Variants in ZFHX3 observed in about 807,000 individuals in gnomAD.
ZFHX3 encodes zinc finger homeobox protein 3.
ZFHX3 carries 42 observed loss-of-function variants against 279.1 expected under a neutral mutation model. The observed-to-expected ratio is 0.15, with a 90% CI of 0.12 to 0.19. The LOEUF is 0.19. Among genes scored for constraint, ZFHX3 ranks in the 10% least tolerant of loss-of-function variants. The pLI, the probability that ZFHX3 is intolerant of heterozygous loss-of-function variation, is 1.00. For synonymous variants in ZFHX3, 2,293 were observed against 1,957.8 expected (o/e 1.17, Z -4.52); for missense variants, 4,981 against 4,754.0 (o/e 1.05, Z -1.40).
intron 1 of ZFHX3, among the ~76,000 whole-genome samples, chr16:73,844,413 G>A (rs1961391178): frequency 6.6e-6 from 1 of 152,072 alleles, no homozygotes; most frequent in Non-Finnish European, 1.5e-5. Context: ...GAAAAGGAAG[G>A]AGACAAGGAG....
intron 4 of ZFHX3, among the ~76,000 whole-genome samples, chr16:73,263,652 C>A (rs981462473): frequency 6.6e-6 from 1 of 152,186 alleles, no homozygotes; most frequent in African/African-American, 2.4e-5. Flanking sequence ...CACAGACCAT[C>A]GTCCTTCTGC....
chr16:73,189,616 A>G (rs1301557694), intron 5 of ZFHX3, among the ~76,000 whole-genome samples: 3 of 152,192 alleles, frequency 2.0e-5, no homozygotes, highest in African/African-American at 7.2e-5. Context: ...TTTTGCAGCC[A>G]TGTTCCTTGA....
chr16:73,144,725 C>T (rs1327408681), intron 5 of ZFHX3, among the ~76,000 whole-genome samples: 5 of 152,290 alleles, frequency 3.3e-5, no homozygotes, highest in South Asian at 2.1e-4. Flanking sequence ...TTTCCTCTCT[C>T]CTACCCGCCC....
chr16:73,040,411 CT>C (rs1156944762), intron 1 of ZFHX3, among the ~76,000 whole-genome samples: 3 of 152,116 alleles, frequency 2.0e-5, no homozygotes, highest in African/African-American at 4.8e-5. Flanking sequence ...ATATAAATGC[CT>C]CCACAAATCA....
chr16:73,214,970 G>A (rs995763699), intron 5 of ZFHX3, among the ~76,000 whole-genome samples: 1 of 147,158 alleles, frequency 6.8e-6, no homozygotes, highest in Admixed American at 7.1e-5. Context: ...ACAAGGCTTA[G>A]CCAAACAACT....
intron 1 of ZFHX3, among the ~76,000 whole-genome samples, chr16:73,764,552 C>T (rs543424925): frequency 2.1e-4 from 32 of 152,202 alleles, no homozygotes; most frequent in African/African-American, 7.0e-4. Flanking sequence ...GATTAAAGCT[C>T]ATGCTTCACG....
At chr16:73,436,093 G>T (rs955527134) in intron 3 of ZFHX3, among the ~76,000 whole-genome samples, 6 of 152,254 alleles carry the variant, frequency 3.9e-5, no homozygotes, top group African/African-American at 1.4e-4. Context: ...ACTTTGGGAG[G>T]CCGAGGTGGG....
At chr16:72,817,499 C>T (rs1349889856) in intron 5 of ZFHX3, among the ~76,000 whole-genome samples, 1 of 152,212 alleles carries the variant, frequency 6.6e-6, no homozygotes, top group African/African-American at 2.4e-5. Context: ...TCCACTTGCC[C>T]TCCAAGAAAA....
At chr16:73,603,556 T>A (rs985252602) in intron 2 of ZFHX3, among the ~76,000 whole-genome samples, 5 of 152,074 alleles carry the variant, frequency 3.3e-5, no homozygotes, top group Non-Finnish European at 7.4e-5. Flanking sequence ...TCTAAGTACC[T>A]GAAAACTTTC....
chr16:73,485,586 C>A, intron 2 of ZFHX3, among the ~76,000 whole-genome samples: 1 of 152,198 alleles, frequency 6.6e-6, no homozygotes, highest in Middle Eastern at 3.4e-3. Flanking sequence ...TGTCCAGTAC[C>A]CTGCTCGACC....
At chr16:73,292,626 A>G (rs2014801129) in intron 4 of ZFHX3, among the ~76,000 whole-genome samples, 1 of 152,186 alleles carries the variant, frequency 6.6e-6, no homozygotes, top group South Asian at 2.1e-4. Context: ...GAAGCTTCTA[A>G]GAGAAATTGC....
At chr16:73,309,723 G>A (rs2015278905) in intron 4 of ZFHX3, among the ~76,000 whole-genome samples, 2 of 152,160 alleles carry the variant, frequency 1.3e-5, no homozygotes, top group South Asian at 4.2e-4. Flanking sequence ...AGAAGAGAGA[G>A]TTAAGCCCTT....
At chr16:73,880,351 T>TA (rs112999244) in intron 1 of ZFHX3, among the ~76,000 whole-genome samples, 4,466 of 152,228 alleles carry the variant, frequency 0.029, 186 homozygotes, top group African/African-American at 0.095. Context: ...AATAATAAAC[T>TA]GAAAAATAGG....
chr16:73,206,908 C>CT, intron 5 of ZFHX3, among the ~76,000 whole-genome samples: 1 of 151,788 alleles, frequency 6.6e-6, no homozygotes, highest in Non-Finnish European at 1.5e-5. Flanking sequence ...GTTGCAGCTA[C>CT]TTGGGAGGCT....
At chr16:73,333,181 A>T (rs190262133) in intron 3 of ZFHX3, among the ~76,000 whole-genome samples, 10 of 152,362 alleles carry the variant, frequency 6.6e-5, no homozygotes, top group South Asian at 6.2e-4. Context: ...AGTTACATAG[A>T]TAGACACATA....
intron 1 of ZFHX3, among the ~76,000 whole-genome samples, chr16:73,831,892 A>C (rs1049902800): frequency 3.3e-5 from 5 of 152,094 alleles, no homozygotes; most frequent in African/African-American, 1.2e-4. Flanking sequence ...CTAGAGTTTC[A>C]TCTGGCTTCT....
intron 2 of ZFHX3, chr16:73,679,602 T>C (rs1434672175): frequency 6.6e-6 from 1 of 152,194 alleles, no homozygotes; most frequent in East Asian, 1.9e-4. Flanking sequence ...CATATCGTCT[T>C]CTACCTACAG....
chr16:73,659,122 A>G (rs1475586164), intron 2 of ZFHX3, among the ~76,000 whole-genome samples: 2 of 152,208 alleles, frequency 1.3e-5, no homozygotes, highest in Middle Eastern at 3.2e-3. Flanking sequence ...CTACCGAAAT[A>G]TATATGGTTC....
intron 4 of ZFHX3, among the ~76,000 whole-genome samples, chr16:73,272,577 A>G (rs914505087): frequency 3.3e-5 from 5 of 152,210 alleles, no homozygotes; most frequent in Admixed American, 2.0e-4. Flanking sequence ...TGGACACAAA[A>G]CAAATAAAAC....
Sources: allele counts gnomAD v4.1 joint callset (sites outside exome capture counted in the v4.1 genomes callset), GRCh38; gene constraint gnomAD v4.1.1; transcripts MANE v1.5; gene names NCBI Gene and HGNC (gene_info 2026-07-23, HGNC 2026-07-21).